Variants in TMEFF2 observed in about 807,000 individuals in gnomAD.
TMEFF2 encodes transmembrane protein with EGF like and two follistatin like domains 2.
In TMEFF2, 28 loss-of-function variants were observed where a neutral mutation model predicts 53.8. That is an observed-to-expected ratio of 0.52 (90% confidence interval 0.39 to 0.71). The LOEUF (loss-of-function observed/expected upper bound fraction) is 0.71, where lower values mean the gene tolerates loss of function less well. Among genes scored for constraint, TMEFF2 ranks in the 30% least tolerant of loss-of-function variants. The pLI is 0.00. For synonymous variants in TMEFF2, 162 were observed against 166.3 expected (o/e 0.97, Z 0.20); for missense variants, 353 against 455.2 (o/e 0.78, Z 2.04).
intron 4 of TMEFF2, among the ~76,000 whole-genome samples, chr2:192,175,009 A>G (rs1244149977): frequency 1.3e-5 from 2 of 151,700 alleles, no homozygotes; most frequent in Admixed American, 6.6e-5. Context: ...TTAACATTTT[A>G]TTTCTTCAGA....
In TMEFF2 at chr2:192,046,510, C is replaced by A. The variant is rs183409727; in HGVS notation, c.536+11169G>T. Reference sequence around the variant, plus strand: ...ATTTAATATGTGGTGCTCTGTCTCCCATAGCCAAAATTCATTGGTCCAGAA... The same window carrying A: ...ATTTAATATGTGGTGCTCTGTCTCCAATAGCCAAAATTCATTGGTCCAGAA... On this transcript the variant is annotated intron_variant, in intron 5 of 9. Transcript: ENST00000272771. Among the ~76,000 whole-genome samples the A allele has an allele frequency of 5.3e-4, 80 of 152,266 alleles. 1 individual carries two copies. Among genetic ancestry groups the A allele is most frequent in the African/African-American group, 1.8e-3 (74 of 41,550 alleles).
intron 4 of TMEFF2, among the ~76,000 whole-genome samples, chr2:192,159,169 A>C (rs1690576400): frequency 6.6e-6 from 1 of 152,190 alleles, no homozygotes; most frequent in African/African-American, 2.4e-5. Flanking sequence ...TAAATGGGGA[A>C]TCGCAGGCAC....
At chr2:192,075,332 T>TATATAC (rs796267672) in intron 4 of TMEFF2, among the ~76,000 whole-genome samples, 2,081 of 88,118 alleles carry the variant, frequency 0.024, 214 homozygotes, top group African/African-American at 0.075. Flanking sequence ...TATATATATA[T>TATATAC]ACATACATAC....
At chr2:192,065,319 C>T (rs1688141666) in intron 4 of TMEFF2, among the ~76,000 whole-genome samples, 1 of 151,806 alleles carries the variant, frequency 6.6e-6, no homozygotes, top group Non-Finnish European at 1.5e-5. Flanking sequence ...CATAGCATAA[C>T]ATTAAATGCA....
intron 4 of TMEFF2, among the ~76,000 whole-genome samples, chr2:192,087,070 A>C (rs1559120382): frequency 1.3e-5 from 2 of 150,606 alleles, no homozygotes; most frequent in African/African-American, 4.9e-5. Context: ...ATTTATATAA[A>C]TTATGTATTT....
chr2:192,022,079 GTCTCTGCACA>G (rs1686871708), intron 5 of TMEFF2: 1 of 152,186 alleles, frequency 6.6e-6, no homozygotes, highest in African/African-American at 2.4e-5. Context: ...ATACCCATTA[GTCTCTGCACA>G]TCTATGGAGG....
At chr2:192,142,422 A>T (rs1574410938) in intron 4 of TMEFF2, among the ~76,000 whole-genome samples, 1 of 152,128 alleles carries the variant, frequency 6.6e-6, no homozygotes, top group African/African-American at 2.4e-5. Flanking sequence ...TAATCTTTAT[A>T]AAAAAGTTAC....
chr2:192,111,334 T>C (rs1161159704), intron 4 of TMEFF2, among the ~76,000 whole-genome samples: 1 of 152,114 alleles, frequency 6.6e-6, no homozygotes, highest in Non-Finnish European at 1.5e-5. Flanking sequence ...TTGTCTCAGA[T>C]GGAGATGAGG....
At chr2:192,006,068 T>TTG (rs1244124020) in intron 5 of TMEFF2, among the ~76,000 whole-genome samples, 1 of 150,652 alleles carries the variant, frequency 6.6e-6, no homozygotes, top group African/African-American at 2.5e-5. Context: ...GACTTTTTTT[T>TTG]TTTTTTTTAA....
chr2:191,967,866 A>G (rs1692514811), intron 7 of TMEFF2, among the ~76,000 whole-genome samples: 1 of 152,132 alleles, frequency 6.6e-6, no homozygotes, highest in South Asian at 2.1e-4. Context: ...TGTTACGGGA[A>G]GTCCTCAGGG....
intron 5 of TMEFF2, among the ~76,000 whole-genome samples, chr2:191,999,827 A>G (rs1009210479): frequency 6.6e-6 from 1 of 152,026 alleles, no homozygotes; most frequent in Non-Finnish European, 1.5e-5. Flanking sequence ...ATCCATATTC[A>G]TATAAACAAC....
At chr2:192,079,082 G>A (rs569517154) in intron 4 of TMEFF2, among the ~76,000 whole-genome samples, 9 of 152,292 alleles carry the variant, frequency 5.9e-5, no homozygotes, top group African/African-American at 1.9e-4. Context: ...ACCTTCAACC[G>A]TTAAGGCCTT....
chr2:192,184,298 A>G, intron 3 of TMEFF2, 56 bp downstream of exon 3: 2 of 1,593,644 alleles, frequency 1.3e-6, no homozygotes, highest in Non-Finnish European at 1.7e-6. Flanking sequence ...AATGAAAGAC[A>G]TGGTTTTTGG....
intron 7 of TMEFF2, among the ~76,000 whole-genome samples, chr2:191,963,034 AC>A (rs1180190340): frequency 7.2e-5 from 11 of 152,188 alleles, no homozygotes; most frequent in African/African-American, 2.7e-4. Context: ...GTCTTTGACA[AC>A]ATTTCTGTAA....
At chr2:191,955,054 A>G (rs573334862) in intron 8 of TMEFF2, among the ~76,000 whole-genome samples, 30 of 147,726 alleles carry the variant, frequency 2.0e-4, no homozygotes, top group Non-Finnish European at 3.0e-4. Flanking sequence ...AGTTTTGTTC[A>G]CTCTGCCTTA....
chr2:192,088,080 T>C (rs956088946), intron 4 of TMEFF2, among the ~76,000 whole-genome samples: 1 of 152,134 alleles, frequency 6.6e-6, no homozygotes, highest in Admixed American at 6.6e-5. Flanking sequence ...AGTGTCAGGT[T>C]TTTTTGTCGG....
intron 4 of TMEFF2, among the ~76,000 whole-genome samples, chr2:192,155,221 G>T (rs1289046263): frequency 6.6e-6 from 1 of 151,876 alleles, no homozygotes; most frequent in Non-Finnish European, 1.5e-5. Flanking sequence ...GCATGATTTT[G>T]ACCGAGAGCC....
intron 7 of TMEFF2, among the ~76,000 whole-genome samples, chr2:191,995,440 A>T (rs545325343): frequency 6.6e-6 from 1 of 152,020 alleles, no homozygotes; most frequent in Non-Finnish European, 1.5e-5. Flanking sequence ...TAACAAGGGA[A>T]GTGGCTGTGA....
intron 7 of TMEFF2, among the ~76,000 whole-genome samples, chr2:191,966,229 G>A (rs1330701794): frequency 6.6e-6 from 1 of 152,180 alleles, no homozygotes; most frequent in Non-Finnish European, 1.5e-5. Flanking sequence ...ACTGCCTTAT[G>A]AAAGAATATC....
Sources: gnomAD v4.1 joint callset for allele counts (sites outside exome capture counted in the v4.1 genomes callset) on GRCh38, gnomAD v4.1.1 for gene constraint, MANE v1.5 for transcripts, NCBI Gene and HGNC (gene_info 2026-07-23, HGNC 2026-07-21) for gene names.